The following NECTIN1 variants were observed in gnomAD, a reference collection of about 807,000 sequenced individuals.
NECTIN1 encodes nectin-1.
A neutral mutation model predicts 48.0 loss-of-function variants in NECTIN1; 23 were observed. The ratio of observed to expected loss-of-function variants is 0.48; its 90% CI spans 0.34 to 0.68. NECTIN1 has a LOEUF of 0.68. Among genes scored for constraint, NECTIN1 ranks in the 30% least tolerant of loss-of-function variants. The pLI is 0.01. For synonymous variants in NECTIN1, 270 were observed against 288.9 expected, an observed-to-expected ratio of 0.93 and a Z score of 0.66; for missense variants, 591 against 709.9, an observed-to-expected ratio of 0.83 and a Z score of 1.90.
chr11:119,707,058 C>T (rs559632436), intron 1 of NECTIN1, among the ~76,000 whole-genome samples: 1 of 152,284 alleles, frequency 6.6e-6, no homozygotes, highest in South Asian at 2.1e-4. Context: ...TTCCATCTGG[C>T]AAGGGAAGTA....
chr11:119,714,500 G>A (rs1001338317), intron 1 of NECTIN1, among the ~76,000 whole-genome samples: 3 of 152,146 alleles, frequency 2.0e-5, no homozygotes, highest in Non-Finnish European at 4.4e-5. Context: ...CCATGGCGGT[G>A]CAGGCAGGTG....
chr11:119,666,850 T>C (rs536295380), intron 5 of NECTIN1, among the ~76,000 whole-genome samples: 25 of 152,232 alleles, frequency 1.6e-4, no homozygotes, highest in African/African-American at 6.0e-4. Context: ...GTGGAGATTC[T>C]AGGAAAGAGG....
downstream of NECTIN1, among the ~76,000 whole-genome samples, chr11:119,657,038 A>G (rs1243921195): frequency 6.6e-6 from 1 of 152,188 alleles, no homozygotes. Context: ...CCTGCCCCCT[A>G]CTTGCCTCAG....
At position 119,664,641 on chromosome 11, in the gene NECTIN1, G is replaced by A; in HGVS notation, c.*106C>T. 6.9e-7 allele frequency: 1 copy of A among 1,452,436 alleles called. No homozygotes were observed. The highest frequency in any genetic ancestry group is 1.5e-5 in the South Asian group (1 of 68,352). 90.0% of individuals were successfully genotyped at this position (1,452,436 alleles called of 1,614,324 possible). ...GTTCGGGGCTGGCTTTGGGCAGCTG[G>A]GCAAGTCTCTGTTCAGCTCCTGGAG... is the stretch of plus-strand genomic sequence containing the variant. On this transcript the variant is annotated 3_prime_UTR_variant, in exon 6 of 6. Transcript: ENST00000264025.
chr11:119,719,857 G>C (rs1865799052), intron 1 of NECTIN1, among the ~76,000 whole-genome samples: 1 of 152,216 alleles, frequency 6.6e-6, no homozygotes, highest in African/African-American at 2.4e-5. Flanking sequence ...TTTGAGATGA[G>C]AGAAGTTATC....
chr11:119,694,821 C>T (rs978111973), intron 1 of NECTIN1, among the ~76,000 whole-genome samples: 1 of 152,132 alleles, frequency 6.6e-6, no homozygotes, highest in Non-Finnish European at 1.5e-5. Context: ...GTCCTGCTGC[C>T]CCCCCAGGCA....
At chr11:119,692,675 C>A (rs529944309) in intron 1 of NECTIN1, among the ~76,000 whole-genome samples, 25 of 152,384 alleles carry the variant, frequency 1.6e-4, no homozygotes, top group African/African-American at 6.0e-4. Flanking sequence ...TATTTACATA[C>A]ATTAATTCAC....
intron 1 of NECTIN1, among the ~76,000 whole-genome samples, chr11:119,723,643 C>T (rs1482178182): frequency 1.3e-5 from 2 of 152,240 alleles, no homozygotes; most frequent in South Asian, 2.1e-4. Flanking sequence ...GAGTTCATCT[C>T]TCCTTGTGGA....
chr11:119,678,603 T>C lies in NECTIN1; in HGVS notation c.242A>G (p.Tyr81Cys), dbSNP rs1865004251. The change falls in exon 2 of 6, where the codon TAC becomes TGC. Residue 81 changes from tyrosine (Y) to cysteine (C), a missense_variant. Transcript: ENST00000264025. This position sits in a 1 kb window ranked among gnomAD's most constrained non-coding sequence, Gnocchi z 4.4. ...CACGGACACGCCCATGGATGGGTTG[T>C]AGATGGCCACGTTCTGCTTGGAGCC... ...TNGSKQNVAI[Y>C]NPSMGVSVLA... 2 of 1,614,044 alleles carry C rather than the reference T, an allele frequency of 1.2e-6. No individual in the cohort carries two copies. The highest frequency in any genetic ancestry group is 1.7e-6 in the Non-Finnish European group (2 of 1,180,030).
rs1252623463 is a variant in NECTIN1, at chr11:119,712,440, C to A, written c.79+16035G>T. Among the ~76,000 whole-genome samples, 3 of 152,138 alleles carry A rather than the reference C, an allele frequency of 2.0e-5. No individual in the cohort carries two copies. In the East Asian group the frequency reaches 5.8e-4, roughly 29 times the overall value. ...CTTTGTGCAAAGATCACTTGGGAGA[C>A]AGGGGCCTCACCTGTTTTGAGGCCA... On this transcript the variant is annotated intron_variant, in intron 1 of 5. Coordinates refer to ENST00000264025, the MANE Select transcript of NECTIN1 (RefSeq NM_002855.5).
intron 1 of NECTIN1, among the ~76,000 whole-genome samples, chr11:119,682,149 AC>A (rs1283268517): frequency 6.6e-6 from 1 of 152,070 alleles, no homozygotes; most frequent in Non-Finnish European, 1.5e-5. Context: ...GGGGAGAAGG[AC>A]CCTCATTCTT....
chr11:119,644,436 C>T (rs1734270075), intron 5 of NECTIN1, among the ~76,000 whole-genome samples: 1 of 152,176 alleles, frequency 6.6e-6, no homozygotes, highest in Non-Finnish European at 1.5e-5. Context: ...GTTCCTGCAC[C>T]CCAGGCTTCC....
chr11:119,676,523 A>G (rs1864951068), intron 4 of NECTIN1, among the ~76,000 whole-genome samples: 1 of 152,116 alleles, frequency 6.6e-6, no homozygotes, highest in African/African-American at 2.4e-5. Flanking sequence ...CTCTGGGAAG[A>G]GCCTTGGCCC....
At chr11:119,675,335 T>C in intron 4 of NECTIN1, 25 bp from the exon 5 acceptor site, 9 of 1,614,038 alleles carry the variant, frequency 5.6e-6, no homozygotes, top group Non-Finnish European at 7.6e-6. Context: ...AGACACAGCG[T>C]AGGGTTATGA....
chr11:119,725,812 G>A (rs1779716558), intron 1 of NECTIN1, among the ~76,000 whole-genome samples: 1 of 152,140 alleles, frequency 6.6e-6, no homozygotes, highest in African/African-American at 2.4e-5. Context: ...GTGTGGGGAA[G>A]CCAATTAGGG....
intron 1 of NECTIN1, among the ~76,000 whole-genome samples, chr11:119,701,243 C>A (rs1865446703): frequency 6.6e-6 from 1 of 152,168 alleles, no homozygotes; most frequent in Non-Finnish European, 1.5e-5. Context: ...ACCAAAGTGA[C>A]CTCATGAGTA....
intron 1 of NECTIN1, among the ~76,000 whole-genome samples, chr11:119,680,569 CTCTT>C (rs1055364463): frequency 2.0e-5 from 3 of 152,372 alleles, no homozygotes; most frequent in African/African-American, 2.4e-5. Flanking sequence ...TTGCTCCCCT[CTCTT>C]CCGCTCGAGA....
chr11:119,643,851 G>A (rs1310828409), intron 5 of NECTIN1, among the ~76,000 whole-genome samples: 7 of 152,252 alleles, frequency 4.6e-5, no homozygotes, highest in Admixed American at 2.6e-4. Context: ...CCTCCAGGGA[G>A]CACTTATTGC....
chr11:119,690,682 A>T (rs1424901763), intron 1 of NECTIN1, among the ~76,000 whole-genome samples: 2 of 152,180 alleles, frequency 1.3e-5, no homozygotes, highest in African/African-American at 4.8e-5. Context: ...GGCTGATGAG[A>T]GAACCCAAAC....
Sources: gnomAD v4.1 joint callset for allele counts (sites outside exome capture counted in the v4.1 genomes callset) on GRCh38, gnomAD v4.1.1 for gene constraint, Gnocchi (gnomAD v3.1) non-coding constraint, MANE v1.5 for transcripts, NCBI Gene and HGNC (gene_info 2026-07-23, HGNC 2026-07-21) for gene names.